The following RHBDL3 variants were observed in gnomAD, a reference collection of about 807,000 sequenced individuals.
RHBDL3 encodes the protein rhomboid like 3, also known as rhomboid-related protein 3.
RHBDL3 carries 28 observed loss-of-function variants against 48.2 expected under a neutral mutation model. The ratio of observed to expected loss-of-function variants is 0.58; its 90% CI spans 0.43 to 0.80. The LOEUF (loss-of-function observed/expected upper bound fraction) is 0.80, where lower values mean the gene tolerates loss of function less well. Ranked by LOEUF, RHBDL3 falls within the 30% of genes least tolerant of loss-of-function variation. The pLI is 0.00. For missense variants in RHBDL3, 464 were observed against 542.7 expected, an observed-to-expected ratio of 0.85 and a Z score of 1.44; for synonymous variants, 208 against 232.3, an observed-to-expected ratio of 0.90 and a Z score of 0.95.
intron 7 of RHBDL3, among the ~76,000 whole-genome samples, chr17:32,309,336 T>C (rs1482246872): frequency 6.6e-6 from 1 of 151,726 alleles, no homozygotes; most frequent in African/African-American, 2.4e-5. Context: ...GCGGATCAAC[T>C]GAGGTTGGGA....
In RHBDL3 at chr17:32,272,398, G is replaced by T. The variant is rs147911070; in HGVS notation, c.135+4473G>T. ...AAAGGTGTTCTGGGAGCTGAAAAGA[G>T]GTTCAGATAAGACCCCTGAAGGGAT... On this transcript the variant is annotated intron_variant, in intron 2 of 8. Coordinates refer to ENST00000269051, the MANE Select transcript of RHBDL3 (RefSeq NM_138328.3). 2.6e-5 allele frequency among the ~76,000 whole-genome samples: 4 copies of T among 152,330 alleles called. No homozygotes were observed. In the South Asian group the frequency reaches 6.2e-4, roughly 24 times the overall value.
intron 8 of RHBDL3, among the ~76,000 whole-genome samples, chr17:32,320,652 G>A (rs1349974694): frequency 2.0e-5 from 3 of 152,210 alleles, no homozygotes; most frequent in African/African-American, 4.8e-5. Flanking sequence ...GAGGTCTTGC[G>A]TGACTCCCCG....
intron 2 of RHBDL3, among the ~76,000 whole-genome samples, chr17:32,275,226 A>C (rs2039869151): frequency 6.6e-6 from 1 of 152,178 alleles, no homozygotes; most frequent in Admixed American, 6.5e-5. Context: ...CTTCATGGCC[A>C]TGACTCGGCT....
intron 6 of RHBDL3, among the ~76,000 whole-genome samples, chr17:32,302,423 C>T (rs2040605641): frequency 1.3e-5 from 2 of 152,076 alleles, no homozygotes; most frequent in African/African-American, 4.8e-5. Context: ...GTGGCACGAT[C>T]TCGGCTCACT....
intron 2 of RHBDL3, among the ~76,000 whole-genome samples, chr17:32,276,644 C>T (rs1038832673): frequency 6.6e-6 from 1 of 151,426 alleles, no homozygotes; most frequent in Non-Finnish European, 1.5e-5. Context: ...GCCCTAGCAC[C>T]GTACTCCAGC....
rs145816114 is a variant in RHBDL3, at chr17:32,302,121, C to T, written c.782-3220C>T. 2.0e-4 allele frequency among the ~76,000 whole-genome samples: 30 copies of T among 152,342 alleles called. No homozygotes were observed. In the Middle Eastern group the frequency reaches 0.01, roughly 52 times the overall value. On this transcript the variant is annotated intron_variant, in intron 6 of 8. Coordinates refer to ENST00000269051, the MANE Select transcript of RHBDL3 (RefSeq NM_138328.3). ...GCATGTCACTCCAGTTTGCCATTCTCTCCTAGTCCTCTGCCTCCATGACCT... is the reference window on the plus strand; with the variant it reads ...GCATGTCACTCCAGTTTGCCATTCTTTCCTAGTCCTCTGCCTCCATGACCT...
chr17:32,283,091 A>C (rs9898088), intron 2 of RHBDL3, among the ~76,000 whole-genome samples: 47,945 of 151,928 alleles, frequency 0.32, 8,352 homozygotes, highest in African/African-American at 0.47. Context: ...ATGCACACAC[A>C]TACATCCTCA....
At chr17:32,284,439 G>A (rs547137189) in intron 2 of RHBDL3, 1 of 507,142 alleles carries the variant, frequency 2.0e-6, no homozygotes, top group African/African-American at 1.9e-5. Context: ...TTATCCACGT[G>A]AGATGGTTGG....
chr17:32,284,587 TC>T, intron 2 of RHBDL3, 71 bp from the exon 3 acceptor site: 1 of 1,469,494 alleles, frequency 6.8e-7, no homozygotes, highest in South Asian at 1.2e-5. Flanking sequence ...GTGGTGGAGA[TC>T]AGGGCACCCA....
At chr17:32,291,537 C>T (rs2040328768) in intron 4 of RHBDL3, among the ~76,000 whole-genome samples, 1 of 150,574 alleles carries the variant, frequency 6.6e-6, no homozygotes, top group Non-Finnish European at 1.5e-5. Flanking sequence ...AAAAATTAGT[C>T]GTGTATCATG....
chr17:32,286,092 G>A (rs1452770304), intron 3 of RHBDL3, among the ~76,000 whole-genome samples: 1 of 152,170 alleles, frequency 6.6e-6, no homozygotes, highest in East Asian at 1.9e-4. Context: ...CATAGGATAG[G>A]CAGTGAGGGT....
At chr17:32,314,011 G>A (rs564419147) in intron 7 of RHBDL3, among the ~76,000 whole-genome samples, 13 of 152,090 alleles carry the variant, frequency 8.5e-5, no homozygotes, top group African/African-American at 2.7e-4. Flanking sequence ...TGTCCGACTC[G>A]GCCTCCCAAA....
chr17:32,292,443 G>A (rs113559303), intron 4 of RHBDL3, among the ~76,000 whole-genome samples: 49 of 152,228 alleles, frequency 3.2e-4, no homozygotes, highest in African/African-American at 1.2e-3. Context: ...ATTCATAATA[G>A]CATTATTCAC....
chr17:32,313,332 G>A (rs766930343), intron 7 of RHBDL3, among the ~76,000 whole-genome samples: 8 of 152,202 alleles, frequency 5.3e-5, no homozygotes, highest in Non-Finnish European at 1.2e-4. Context: ...TTCCAGCCTG[G>A]TTGGCAGAGT....
intron 3 of RHBDL3, among the ~76,000 whole-genome samples, chr17:32,285,315 T>C (rs78531785): frequency 9.1e-4 from 139 of 152,264 alleles, no homozygotes; most frequent in Non-Finnish European, 1.6e-3. Flanking sequence ...GCCCCACTCC[T>C]GTAGCTGAGA....
At chr17:32,268,314 T>C (rs114178841) in intron 2 of RHBDL3, among the ~76,000 whole-genome samples, 2,068 of 152,270 alleles carry the variant, frequency 0.014, 53 homozygotes, top group African/African-American at 0.047. Context: ...GGAGGGTCCA[T>C]GGCCACCGCT....
At position 32,284,704 on chromosome 17, in the gene RHBDL3, A is replaced by G. The variant is rs1351304691; in HGVS notation, c.181A>G (p.Ser61Gly). ...TGYISTGKFR[S>G]LLESHSSKLD... ...CTACATTAGCACAGGCAAGTTCCGGAGTCTTCTGGAGAGCCACAGCTCCAA... is the reference window on the plus strand; with the variant it reads ...CTACATTAGCACAGGCAAGTTCCGGGGTCTTCTGGAGAGCCACAGCTCCAA... The change falls in exon 3 of 9, where the codon AGT becomes GGT. Residue 61 changes from serine (S) to glycine (G), a missense_variant. By Grantham distance (56) the Ser-to-Gly change is moderately conservative. Coordinates refer to ENST00000269051, the MANE Select transcript of RHBDL3 (RefSeq NM_138328.3). 8 of 1,614,018 alleles carry G rather than the reference A, an allele frequency of 5.0e-6. No homozygotes were observed. The highest frequency in any genetic ancestry group is 6.8e-6 in the Non-Finnish European group (8 of 1,180,022).
intron 2 of RHBDL3, among the ~76,000 whole-genome samples, chr17:32,274,781 G>C (rs2039853999): frequency 6.6e-6 from 1 of 151,500 alleles, no homozygotes; most frequent in South Asian, 2.1e-4. Context: ...TTTTGCGGCA[G>C]TCGCATGTGT....
chr17:32,310,668 G>A (rs141349762), intron 7 of RHBDL3, among the ~76,000 whole-genome samples: 16 of 105,958 alleles, frequency 1.5e-4, no homozygotes, highest in African/African-American at 3.7e-4. Flanking sequence ...AGCCAAGATC[G>A]TGCCACTGCA....
Sources: gnomAD v4.1 joint callset for allele counts (sites outside exome capture counted in the v4.1 genomes callset) on GRCh38, gnomAD v4.1.1 for gene constraint, MANE v1.5 for transcripts, NCBI Gene and HGNC (gene_info 2026-07-23, HGNC 2026-07-21) for gene names.